CES5A: variants seen among roughly 807,000 people sequenced by gnomAD.
CES5A encodes the protein carboxylesterase 5.
A neutral mutation model predicts 62.9 loss-of-function variants in CES5A; 67 were observed. The observed-to-expected ratio is 1.07, with a 90% CI of 0.88 to 1.31. CES5A has a LOEUF of 1.31. Ranked by LOEUF, CES5A falls within the 50% of genes most tolerant of loss-of-function variation. The probability of loss-of-function intolerance (pLI) is 0.00; values close to 1 mark genes in which losing one functional copy is unlikely to be tolerated. For missense variants in CES5A, 748 were observed against 708.5 expected, an observed-to-expected ratio of 1.06 and a Z score of -0.63; for synonymous variants, 296 against 280.8, an observed-to-expected ratio of 1.05 and a Z score of -0.54.
At chr16:55,901,442 A>G (rs2033989796) in intron 1 of CES5A, among the ~76,000 whole-genome samples, 1 of 152,170 alleles carries the variant, frequency 6.6e-6, no homozygotes, top group Non-Finnish European at 1.5e-5. Context: ...TTATTAAAAG[A>G]TGTTTGTTTT....
At position 55,875,180 on chromosome 16, in the gene CES5A, C is replaced by T. The variant is rs1433074322; in HGVS notation, c.42G>A (p.Trp14Ter). Residue 14 changes from tryptophan to a stop codon, truncating the protein, a stop_gained, in exon 1 of 13, where the codon TGG (tryptophan) becomes TGA (stop). Transcript: ENST00000290567. LOFTEE classifies it high-confidence loss of function. ...TGGGGGCTGCAAGGACCCAGATAGC[C>T]CAAATTAGGATCTGGCCTGGGTGCA... is the stretch of plus-strand genomic sequence containing the variant. ...NWVHPGQILIWAIWVLAAPTK... is the reference protein window; with the variant it reads ...NWVHPGQILI The T allele has an allele frequency of 4.3e-6, 7 of 1,613,954 alleles. No individual in the cohort carries two copies. The highest frequency in any genetic ancestry group is 5.9e-6 in the Non-Finnish European group (7 of 1,179,988).
At position 55,871,636 on chromosome 16, in the gene CES5A, A is replaced by G. The variant is rs1319923898; in HGVS notation, c.406T>C (p.Ser136Pro). 1 of 1,614,112 alleles carries G rather than the reference A, an allele frequency of 6.2e-7. No individual in the cohort carries two copies. Among genetic ancestry groups the G allele is most frequent in the Admixed American group, 1.7e-5 (1 of 60,014 alleles). ...IYAPAHADTG[S>P]KLPVLVWFPG... Reference sequence around the variant, plus strand: ...GCAGGCAGCCTTACGGGGAGCTTGGAGCCTGTATCGGCGTGGGCAGGCGCA... The same window carrying G: ...GCAGGCAGCCTTACGGGGAGCTTGGGGCCTGTATCGGCGTGGGCAGGCGCA... The change falls in exon 3 of 13, where the codon TCC (serine) becomes CCC (proline). Residue 136 changes from serine (S) to proline (P), a missense_variant. Transcript: ENST00000290567.
intron 2 of CES5A, among the ~76,000 whole-genome samples, chr16:55,949,549 C>T (rs1391383876): frequency 1.3e-5 from 2 of 152,194 alleles, no homozygotes; most frequent in Middle Eastern, 3.2e-3. Context: ...TCTTTATGTC[C>T]ATCTCTTCTC....
At chr16:55,899,943 A>G (rs1294174809) in intron 1 of CES5A, among the ~76,000 whole-genome samples, 1 of 152,212 alleles carries the variant, frequency 6.6e-6, no homozygotes, top group Non-Finnish European at 1.5e-5. Context: ...TCAACTAAAG[A>G]GAGGGTTCTG....
At chr16:55,927,452 A>T (rs1305098386), upstream of CES5A, among the ~76,000 whole-genome samples, 6 of 152,230 alleles carry the variant, frequency 3.9e-5, no homozygotes, top group African/African-American at 1.4e-4. Context: ...AAAGTGGGCA[A>T]ACTACATGAA....
At chr16:55,869,404 C>T in intron 4 of CES5A, 1 of 945,670 alleles carries the variant, frequency 1.1e-6, no homozygotes, top group South Asian at 2.6e-5. Context: ...AAACTTTACC[C>T]AAGTGAGAAA....
chr16:55,890,373 T>A (rs78378107), intron 1 of CES5A, among the ~76,000 whole-genome samples: 1,145 of 15,146 alleles, frequency 0.076, 18 homozygotes, highest in African/African-American at 0.2. Flanking sequence ...GGCTTGAATT[T>A]TTTTTTTTTA....
chr16:55,875,774 C>T (rs554460520), upstream of CES5A, among the ~76,000 whole-genome samples: 3 of 152,342 alleles, frequency 2.0e-5, no homozygotes, highest in South Asian at 2.1e-4. Context: ...AACCTTGAGG[C>T]TTCTTCGATT....
intron 1 of CES5A, among the ~76,000 whole-genome samples, chr16:55,892,177 C>T (rs1009801990): frequency 2.0e-5 from 3 of 152,160 alleles, no homozygotes; most frequent in Non-Finnish European, 2.9e-5. Flanking sequence ...TTCTATTGAT[C>T]CCAGGTCTTT....
intron 2 of CES5A, among the ~76,000 whole-genome samples, chr16:55,932,154 C>T (rs1165973898): frequency 6.6e-6 from 1 of 152,184 alleles, no homozygotes. Flanking sequence ...TGTGTCACTT[C>T]TCTTCACAGC....
chr16:55,911,497 G>A (rs1232954005), intron 1 of CES5A, among the ~76,000 whole-genome samples: 4 of 152,194 alleles, frequency 2.6e-5, no homozygotes, highest in Admixed American at 6.5e-5. Flanking sequence ...AAAGGTGCAT[G>A]TCTTTCATGT....
chr16:55,905,707 C>A (rs968869420), intron 1 of CES5A, among the ~76,000 whole-genome samples: 7 of 152,088 alleles, frequency 4.6e-5, no homozygotes, highest in African/African-American at 1.7e-4. Flanking sequence ...CCAGAGCAAG[C>A]CCCAGTTTCC....
chr16:55,913,417 G>A (rs1186061612), intron 1 of CES5A, among the ~76,000 whole-genome samples: 1 of 152,160 alleles, frequency 6.6e-6, no homozygotes, highest in Non-Finnish European at 1.5e-5. Flanking sequence ...TCAGGCTCTT[G>A]GAGCCAGAGG....
rs148609872 is a variant in CES5A at position 55,874,698 on chromosome 16, A to G, written c.73+451T>C. On this transcript the variant is annotated intron_variant, in intron 1 of 12. Coordinates refer to ENST00000290567, the MANE Select transcript of CES5A (RefSeq NM_001143685.2). ...AGGAGCATAAAGATGGCACTTTGGG[A>G]GACTGGGCATGCAGGGGTCTCAGTC... Among the ~76,000 whole-genome samples the G allele has an allele frequency of 1.9e-3, 285 of 152,290 alleles. 2 individuals are homozygous for G. Among genetic ancestry groups the G allele is most frequent in the African/African-American group, 6.6e-3 (275 of 41,556 alleles).
chr16:55,928,016 G>C (rs2142465962), upstream of CES5A, among the ~76,000 whole-genome samples: 1 of 152,334 alleles, frequency 6.6e-6, no homozygotes, highest in South Asian at 2.1e-4. Context: ...GGCCGAGGCG[G>C]ATGGATGACG....
chr16:55,926,930 T>C (rs762838550), upstream of CES5A, among the ~76,000 whole-genome samples: 2 of 152,230 alleles, frequency 1.3e-5, no homozygotes, highest in Non-Finnish European at 2.9e-5. Flanking sequence ...AGAATTGTAC[T>C]GGTAAAGCCA....
In CES5A at chr16:55,846,857, C is replaced by T. The variant is rs775265248; in HGVS notation, c.1424-17G>A. On this transcript the variant is annotated splice_polypyrimidine_tract_variant and intron_variant, in intron 11 of 12. Transcript: ENST00000290567. ...TGGCTCCTTCTGAAGGAGATAATCACAAAATGCTGCTGCTCTGGGTGAGGC... is the reference window on the plus strand; with the variant it reads ...TGGCTCCTTCTGAAGGAGATAATCATAAAATGCTGCTGCTCTGGGTGAGGC... 4 of 1,611,428 alleles carry T rather than the reference C, an allele frequency of 2.5e-6. No homozygotes were observed. Among genetic ancestry groups the T allele is most frequent in the East Asian group, 2.2e-5 (1 of 44,874 alleles).
intron 4 of CES5A, among the ~76,000 whole-genome samples, chr16:55,867,726 A>G (rs1216985260): frequency 6.6e-6 from 1 of 152,138 alleles, no homozygotes; most frequent in Non-Finnish European, 1.5e-5. Context: ...CTGGCCACTT[A>G]TTATCTGGGT....
intron 1 of CES5A, among the ~76,000 whole-genome samples, chr16:55,881,854 T>C (rs1401811732): frequency 2.0e-5 from 3 of 152,142 alleles, no homozygotes; most frequent in African/African-American, 7.2e-5. Flanking sequence ...GAGTCTGGAA[T>C]AGCAGAGGCC....
Sources: gnomAD v4.1 joint callset for allele counts (sites outside exome capture counted in the v4.1 genomes callset) on GRCh38, gnomAD v4.1.1 for gene constraint, MANE v1.5 for transcripts, NCBI Gene and HGNC (gene_info 2026-07-23, HGNC 2026-07-21) for gene names.